DCAF1: variants seen among roughly 807,000 people sequenced by gnomAD.
DCAF1 encodes DDB1 and CUL4 associated factor 1.
Under a neutral mutation model 128.0 loss-of-function variants are expected in DCAF1, and 15 were observed. The observed-to-expected ratio is 0.12, with a 90% CI of 0.08 to 0.18. The LOEUF (loss-of-function observed/expected upper bound fraction) is 0.18, where lower values mean the gene tolerates loss of function less well. DCAF1 is among the 10% of genes least tolerant of loss of function. The probability of loss-of-function intolerance (pLI) is 1.00; values close to 1 mark genes in which losing one functional copy is unlikely to be tolerated. For synonymous variants in DCAF1, 610 were observed against 603.0 expected (o/e 1.01, Z -0.17); for missense variants, 988 against 1,649.5 (o/e 0.60, Z 6.95).
intron 6 of DCAF1, among the ~76,000 whole-genome samples, chr3:51,461,941 T>C (rs1346477709): frequency 6.6e-6 from 1 of 152,112 alleles, no homozygotes; most frequent in South Asian, 2.1e-4. Flanking sequence ...AGGGATAGCA[T>C]TAGGAGATAT....
At chr3:51,448,616 A>T (rs566740459) in intron 6 of DCAF1, among the ~76,000 whole-genome samples, 1 of 152,330 alleles carries the variant, frequency 6.6e-6, no homozygotes, top group South Asian at 2.1e-4. Flanking sequence ...TTTTACATCC[A>T]ATAGTTTAAC....
chr3:51,412,267 T>C, intron 23 of DCAF1, 112 bp downstream of exon 23: 1 of 1,460,976 alleles, frequency 6.8e-7, no homozygotes, highest in Non-Finnish European at 9.2e-7. Context: ...CTTATGAATG[T>C]GGCAACAGGT....
intron 3 of DCAF1, among the ~76,000 whole-genome samples, chr3:51,476,942 C>T (rs950116269): frequency 6.6e-6 from 1 of 151,512 alleles, no homozygotes; most frequent in Non-Finnish European, 1.5e-5. Context: ...AAAAATTAGC[C>T]GGGCTTGGTG....
At chr3:51,502,700 G>A (rs898767072), upstream of DCAF1, among the ~76,000 whole-genome samples, 1 of 151,950 alleles carries the variant, frequency 6.6e-6, no homozygotes, top group Non-Finnish European at 1.5e-5. Flanking sequence ...AGACAAACAA[G>A]GCCTCTCCAG....
chr3:51,436,691 A>C (rs542307922), intron 9 of DCAF1, among the ~76,000 whole-genome samples: 203 of 152,282 alleles, frequency 1.3e-3, no homozygotes, highest in Non-Finnish European at 2.7e-3. Flanking sequence ...GTTTGATTTG[A>C]CCCAAAGAAG....
chr3:51,407,049 G>A (rs1235946386), intron 23 of DCAF1, among the ~76,000 whole-genome samples: 1 of 151,786 alleles, frequency 6.6e-6, no homozygotes, highest in Non-Finnish European at 1.5e-5. Flanking sequence ...AAAATTAGTC[G>A]GGTGTGGTGG....
At chr3:51,450,093 C>T (rs547087693) in intron 6 of DCAF1, among the ~76,000 whole-genome samples, 3 of 152,252 alleles carry the variant, frequency 2.0e-5, no homozygotes, top group Admixed American at 2.0e-4. Flanking sequence ...TGCCTGTAAG[C>T]CCAACAATTT....
At chr3:51,497,686 G>A (rs1410325649) in intron 1 of DCAF1, among the ~76,000 whole-genome samples, 1 of 152,138 alleles carries the variant, frequency 6.6e-6, no homozygotes, top group African/African-American at 2.4e-5. Context: ...ATTGCTTGAG[G>A]TCAGCTGGGC....
chr3:51,463,273 G>T, intron 5 of DCAF1, 46 bp from the exon 6 acceptor site: 2 of 1,300,878 alleles, frequency 1.5e-6, no homozygotes, highest in South Asian at 1.5e-5. Flanking sequence ...ATTCAACCCA[G>T]TCAAATTAAG....
chr3:51,413,162 G>A (rs1296684761), intron 21 of DCAF1, 96 bp from the exon 22 acceptor site: 2 of 1,566,154 alleles, frequency 1.3e-6, no homozygotes, highest in East Asian at 2.3e-5. Flanking sequence ...TTGCTCAAAA[G>A]TATTTCCATA....
chr3:51,488,938 C>T (rs1707300168), intron 2 of DCAF1, among the ~76,000 whole-genome samples: 1 of 152,158 alleles, frequency 6.6e-6, no homozygotes, highest in South Asian at 2.1e-4. Flanking sequence ...GCATTCCAGT[C>T]TGCGCGACAG....
At chr3:51,454,296 G>A (rs994729814) in intron 6 of DCAF1, among the ~76,000 whole-genome samples, 5 of 152,062 alleles carry the variant, frequency 3.3e-5, no homozygotes, top group Admixed American at 6.6e-5. Context: ...CACTCCTCCT[G>A]CCTTAGCCTC....
intron 9 of DCAF1, chr3:51,437,986 A>G (rs1342233337): frequency 6.6e-6 from 2 of 303,266 alleles, no homozygotes; most frequent in East Asian, 2.1e-4. Flanking sequence ...AAAGTAACTT[A>G]TCATCTTTGT....
chr3:51,455,144 T>G (rs1019150411), intron 6 of DCAF1, among the ~76,000 whole-genome samples: 24 of 152,204 alleles, frequency 1.6e-4, no homozygotes, highest in Middle Eastern at 3.2e-3. Flanking sequence ...AACAAAATAT[T>G]CCAAGCCCCT....
Position 51,398,311 on chromosome 3 carries a change from C to G in DCAF1, c.*458G>C, listed in dbSNP as rs2106712105. 6.6e-6 allele frequency: 1 copy of G among 152,570 alleles called. No individual in the cohort carries two copies. Among genetic ancestry groups the G allele is most frequent in the African/African-American group, 2.4e-5 (1 of 41,404 alleles). The allele number at this position is 152,570 out of a possible 1,614,324, so 9.5% of individuals were successfully genotyped here. A position where few individuals can be genotyped will look rare whatever the true frequency, so the allele number is the denominator to read the frequency against. On this transcript the variant is annotated 3_prime_UTR_variant, in exon 25 of 25. Coordinates refer to ENST00000684031, the MANE Select transcript of DCAF1 (RefSeq NM_001387579.1). ...TTGTTCTTTAGACATCATTTTCTTC[C>G]AAAGAAAATGAAGTGCAGGGACAAG...
intron 2 of DCAF1, among the ~76,000 whole-genome samples, chr3:51,487,789 C>T (rs756911532): frequency 3.3e-5 from 5 of 152,046 alleles, no homozygotes. Context: ...AATCTTCCTG[C>T]CTCAGCCTCC....
intron 9 of DCAF1, among the ~76,000 whole-genome samples, 199 bp downstream of exon 9, chr3:51,440,771 T>C (rs567609750): frequency 1.3e-5 from 2 of 151,918 alleles, no homozygotes; most frequent in East Asian, 1.9e-4. Flanking sequence ...CCATGCACGG[T>C]AGCATGTGAC....
At chr3:51,484,193 C>T (rs144041689) in intron 2 of DCAF1, among the ~76,000 whole-genome samples, 57 of 152,204 alleles carry the variant, frequency 3.7e-4, no homozygotes, top group African/African-American at 1.3e-3. Flanking sequence ...GCATTTACCA[C>T]CAGGCATGGT....
chr3:51,472,278 C>A (rs1704843081), intron 3 of DCAF1, among the ~76,000 whole-genome samples: 1 of 152,160 alleles, frequency 6.6e-6, no homozygotes, highest in African/African-American at 2.4e-5. Context: ...ATTAACTCAG[C>A]TGGTAACATT....
Sources: allele counts gnomAD v4.1 joint callset (sites outside exome capture counted in the v4.1 genomes callset), GRCh38; gene constraint gnomAD v4.1.1; transcripts MANE v1.5; gene names NCBI Gene and HGNC (gene_info 2026-07-23, HGNC 2026-07-21).